DIP2A: variants seen among roughly 807,000 people sequenced by gnomAD.
DIP2A encodes DIP2 acetate--CoA ligase A.
Under a neutral mutation model 177.4 loss-of-function variants are expected in DIP2A, and 85 were observed. The observed-to-expected ratio is 0.48, with a 90% CI of 0.40 to 0.57. The LOEUF (loss-of-function observed/expected upper bound fraction) is 0.57. Among genes scored for constraint, DIP2A ranks in the 20% least tolerant of loss-of-function variants. The pLI is 0.00. For missense variants in DIP2A, 1,791 were observed against 2,100.2 expected (o/e 0.85, Z 2.88); for synonymous variants, 886 against 881.8 (o/e 1.00, Z -0.08).
chr21:46,565,925 C>T (rs1387066096), intron 36 of DIP2A, 38 bp downstream of exon 36: 10 of 1,608,258 alleles, frequency 6.2e-6, no homozygotes, highest in Admixed American at 3.3e-5. Context: ...GAGTGCTGTG[C>T]GGGGAGGACC....
rs1160651970 is a variant in DIP2A, at chr21:46,567,593, G to T, written c.4687G>T (p.Asp1563Tyr). The T allele has an allele frequency of 2.5e-6, 4 of 1,608,680 alleles. No homozygotes were observed. Among genetic ancestry groups the T allele is most frequent in the Non-Finnish European group, 3.4e-6 (4 of 1,176,888 alleles). ...GGACGGCTTCCTGGCTGACCAGCTG[G>T]ACCCCATCTATGTCGCCTACAACAT... ...LRDGFLADQL[D>Y]PIYVAYNM is the part of the protein sequence containing the mutation. Residue 1563 changes from aspartate (D) to tyrosine (Y), a missense_variant, in exon 38 of 38, where the codon GAC becomes TAC. Asp to Tyr is a radical substitution (Grantham distance 160, BLOSUM62 -3). Transcript: ENST00000417564.
chr21:46,554,166 T>C lies in DIP2A; in HGVS notation c.3031-3T>C. 2 of 1,608,358 alleles carry C rather than the reference T, an allele frequency of 1.2e-6. No individual in the cohort carries two copies. The highest frequency in any genetic ancestry group is 1.7e-6 in the Non-Finnish European group (2 of 1,176,380). Reference sequence around the variant, plus strand: ...CAGATGAGCTCAAAGATCGCTTTCCTAGGGCACCGTCACAAGCACTGCAAC... The same window carrying C: ...CAGATGAGCTCAAAGATCGCTTTCCCAGGGCACCGTCACAAGCACTGCAAC... On this transcript the variant is annotated splice_region_variant and splice_polypyrimidine_tract_variant and intron_variant, in intron 25 of 37. Transcript: ENST00000417564.
chr21:46,554,091 G>A, intron 25 of DIP2A, 78 bp from the exon 26 acceptor site: 14 of 1,501,328 alleles, frequency 9.3e-6, no homozygotes, highest in Non-Finnish European at 1.3e-5. Flanking sequence ...GTGGCGTGCA[G>A]GTGGTGTGCA....
intron 7 of DIP2A, 75 bp from the exon 8 acceptor site, chr21:46,511,342 C>T (rs1259860311): frequency 1.4e-6 from 2 of 1,420,890 alleles, no homozygotes; most frequent in Non-Finnish European, 1.9e-6. Context: ...ATATTATAAA[C>T]TATGAATGCT....
intron 1 of DIP2A, among the ~76,000 whole-genome samples, chr21:46,461,512 AT>A (rs1222490944): frequency 1.3e-5 from 2 of 152,016 alleles, no homozygotes; most frequent in African/African-American, 4.8e-5. Flanking sequence ...TATTCCCTCA[AT>A]TTTTTGTGTT....
chr21:46,477,561 G>GTA (rs2055981571), intron 1 of DIP2A, among the ~76,000 whole-genome samples: 1 of 134,482 alleles, frequency 7.4e-6, no homozygotes, highest in Non-Finnish European at 1.6e-5. Flanking sequence ...GTGTGTGTGT[G>GTA]TGTGTGTATT....
intron 23 of DIP2A, 28 bp downstream of exon 23, chr21:46,550,772 C>T (rs762277485): frequency 8.5e-5 from 137 of 1,609,948 alleles, no homozygotes; most frequent in Non-Finnish European, 1.2e-4. Flanking sequence ...ACAGGATGCT[C>T]TCTAGTCTAA....
intron 3 of DIP2A, among the ~76,000 whole-genome samples, chr21:46,491,505 T>C (rs1442283926): frequency 6.6e-6 from 1 of 152,206 alleles, no homozygotes; most frequent in Non-Finnish European, 1.5e-5. Flanking sequence ...ATAAAAAACT[T>C]TATCATGTGG....
chr21:46,557,510 C>A lies in DIP2A; in HGVS notation c.3630-75C>A. 6.7e-7 allele frequency: 1 copy of A among 1,493,932 alleles called. No individual in the cohort carries two copies. The highest frequency in any genetic ancestry group is 9.0e-7 in the Non-Finnish European group (1 of 1,108,756). 92.5% of individuals were successfully genotyped at this position (1,493,932 alleles called of 1,614,324 possible). On this transcript the variant is annotated intron_variant, in intron 30 of 37. Transcript: ENST00000417564. This position sits in a 1 kb window ranked among gnomAD's most constrained non-coding sequence, Gnocchi z 6.0. Reference sequence around the variant, plus strand: ...CTGTTGTGGCTGGAAAAGAAGTGTTCTTGAGGAAGGGAAGAGTGGAGTGCC... The same window carrying A: ...CTGTTGTGGCTGGAAAAGAAGTGTTATTGAGGAAGGGAAGAGTGGAGTGCC...
chr21:46,545,353 G>A (rs974893086), intron 19 of DIP2A, 80 bp downstream of exon 19: 19 of 1,501,556 alleles, frequency 1.3e-5, no homozygotes, highest in African/African-American at 2.8e-5. Flanking sequence ...TGGGTGCTGG[G>A]GGATTGCAGA....
intron 3 of DIP2A, among the ~76,000 whole-genome samples, 199 bp downstream of exon 3, chr21:46,490,918 A>G (rs1215268982): frequency 6.6e-6 from 1 of 152,222 alleles, no homozygotes; most frequent in African/African-American, 2.4e-5. Context: ...GTTTTAATGT[A>G]TGGTGTAGCT....
intron 1 of DIP2A, among the ~76,000 whole-genome samples, chr21:46,475,077 T>C (rs906020380): frequency 2.9e-3 from 4 of 1,376 alleles, no homozygotes; most frequent in African/African-American, 7.2e-3. Context: ...CAGAGACTCT[T>C]CTCCACTTAA....
At position 46,498,750 on chromosome 21, in the gene DIP2A, C is replaced by G. The variant is rs1740136101; in HGVS notation, c.572C>G (p.Pro191Arg). The G allele has an allele frequency of 6.2e-7, 1 of 1,613,768 alleles. No homozygotes were observed. The highest frequency in any genetic ancestry group is 1.7e-5 in the Admixed American group (1 of 60,000). The change falls in exon 5 of 38, where the codon CCC becomes CGC. Residue 191 changes from proline to arginine, a missense_variant. Coordinates refer to ENST00000417564, the MANE Select transcript of DIP2A (RefSeq NM_015151.4). This position sits in a 1 kb window ranked among gnomAD's most constrained non-coding sequence, Gnocchi z 4.3. ...ACCTCATCTCACCCGGGAGGGAGAC[C>G]CACCACTGCTCCCAGTGCTGCAGCC... ...SSTSSHPGGRPTTAPSAAATP... is the reference protein window; with the variant it reads ...SSTSSHPGGRRTTAPSAAATP...
intron 1 of DIP2A, among the ~76,000 whole-genome samples, chr21:46,468,213 C>T (rs1814439710): frequency 7.1e-6 from 1 of 140,108 alleles, no homozygotes; most frequent in African/African-American, 2.7e-5. Flanking sequence ...CTGCAGTGAG[C>T]TGAGATTGTG....
Position 46,557,521 on chromosome 21 carries a change from G to C in DIP2A, c.3630-64G>C. The C allele has an allele frequency of 6.5e-7, 1 of 1,532,932 alleles. No homozygotes were observed. The highest frequency in any genetic ancestry group is 1.2e-5 in the South Asian group (1 of 83,088). 95.0% of individuals were successfully genotyped at this position (1,532,932 alleles called of 1,614,324 possible). The stretch of plus-strand genomic sequence containing the variant: ...GGAAAAGAAGTGTTCTTGAGGAAGG[G>C]AAGAGTGGAGTGCCCAGGGTGCTGG... On this transcript the variant is annotated intron_variant, in intron 30 of 37. Transcript: ENST00000417564. This position sits in a 1 kb window ranked among gnomAD's most constrained non-coding sequence, Gnocchi z 6.0.
At chr21:46,541,996 T>G in intron 18 of DIP2A, 101 bp downstream of exon 18, 1 of 1,413,778 alleles carries the variant, frequency 7.1e-7, no homozygotes, top group Non-Finnish European at 9.8e-7. Flanking sequence ...GTCACCAGGC[T>G]GGAGTGCAGT....
intron 1 of DIP2A, among the ~76,000 whole-genome samples, chr21:46,484,176 A>G (rs925419762): frequency 6.6e-6 from 1 of 152,146 alleles, no homozygotes; most frequent in African/African-American, 2.4e-5. Flanking sequence ...GGATCTTGAT[A>G]AAGTGCGGAT....
chr21:46,565,848 G>A lies in DIP2A; in HGVS notation c.4300G>A (p.Gly1434Ser). 2 of 1,613,944 alleles carry A rather than the reference G, an allele frequency of 1.2e-6. No homozygotes were observed. The highest frequency in any genetic ancestry group is 1.7e-6 in the Non-Finnish European group (2 of 1,179,892). Residue 1434 changes from glycine (G) to serine (S), a missense_variant, in exon 36 of 38, where the codon GGC becomes AGC. Gly to Ser is a moderately conservative substitution (Grantham distance 56). Transcript: ENST00000417564. ...CATCTGGGCAAGGACCGGCTACCTT[G>A]GCTTCCTTCGGCGAACAGAGCTCAC... is the stretch of plus-strand genomic sequence containing the variant. ...QTIWARTGYL[G>S]FLRRTELTDA...
rs2060736757 is a variant in DIP2A at position 46,563,512 on chromosome 21, G to T, written c.4090-346G>T. The T allele has an allele frequency of 4.1e-6, 1 of 246,862 alleles. No homozygotes were observed. Among genetic ancestry groups the T allele is most frequent in the South Asian group, 5.4e-5 (1 of 18,510 alleles). 15.3% of individuals were successfully genotyped at this position (246,862 alleles called of 1,614,324 possible). A position where few individuals can be genotyped will look rare whatever the true frequency, so the allele number is the denominator to read the frequency against. ...TAGGACAGACATGTGCCTCCTGCAG[G>T]GCTGGGCACAGCAGGGTCACTGCAC... On this transcript the variant is annotated intron_variant, in intron 34 of 37. Coordinates refer to ENST00000417564, the MANE Select transcript of DIP2A (RefSeq NM_015151.4). The surrounding 1 kb of genome is among the most constrained non-coding windows in gnomAD (Gnocchi z 4.3).
Sources: gnomAD v4.1 joint callset for allele counts (sites outside exome capture counted in the v4.1 genomes callset) on GRCh38, gnomAD v4.1.1 for gene constraint, Gnocchi (gnomAD v3.1) non-coding constraint, MANE v1.5 for transcripts, NCBI Gene and HGNC (gene_info 2026-07-23, HGNC 2026-07-21) for gene names.